The following THEM4 variants were observed in gnomAD, a reference collection of about 807,000 sequenced individuals.
THEM4 encodes thioesterase superfamily member 4.
Under a neutral mutation model 25.0 loss-of-function variants are expected in THEM4, and 22 were observed. The ratio of observed to expected loss-of-function variants is 0.88; its 90% CI spans 0.63 to 1.26. The LOEUF (loss-of-function observed/expected upper bound fraction) is 1.26, where lower values mean the gene tolerates loss of function less well. Ranked by LOEUF, THEM4 falls within the 50% of genes most tolerant of loss-of-function variation. The pLI, the probability that THEM4 is intolerant of heterozygous loss-of-function variation, is 0.00. For missense variants in THEM4, 286 were observed against 300.3 expected, an observed-to-expected ratio of 0.95 and a Z score of 0.35; for synonymous variants, 113 against 105.6, an observed-to-expected ratio of 1.07 and a Z score of -0.43.
Position 151,889,227 on chromosome 1 carries a change from C to G in THEM4, c.433G>C (p.Glu145Gln). ...TATCATTCTTACCCAGGTGGTCCTT[C>G]CAGGTAAGGGCCTCCTTGAAATAAG... ...VCLFQGGPYL[E>Q]GPPGFIHGGA... The change falls in exon 3 of 6, where the codon GAA becomes CAA. Residue 145 changes from glutamate to glutamine, a missense_variant. Transcript: ENST00000368814. 1 of 1,612,480 alleles carries G rather than the reference C, an allele frequency of 6.2e-7. No individual in the cohort carries two copies. The highest frequency in any genetic ancestry group is 8.5e-7 in the Non-Finnish European group (1 of 1,179,738).
At chr1:151,893,408 CAAAA>C (rs200898087) in intron 2 of THEM4, among the ~76,000 whole-genome samples, 2 of 92,110 alleles carry the variant, frequency 2.2e-5, no homozygotes, top group African/African-American at 8.5e-5. Context: ...AACAACAAAA[CAAAA>C]AAACCCAAAA....
chr1:151,903,885 G>C (rs1355632511), intron 1 of THEM4, among the ~76,000 whole-genome samples: 1 of 152,144 alleles, frequency 6.6e-6, no homozygotes, highest in Non-Finnish European at 1.5e-5. Context: ...TTAAAGTCTG[G>C]GATTCCGTTA....
chr1:151,874,958 A>T, intron 5 of THEM4, 30 bp from the exon 6 acceptor site: 1 of 1,571,092 alleles, frequency 6.4e-7, no homozygotes. Flanking sequence ...GCAGATGATT[A>T]TATGTCAACT....
chr1:151,891,265 T>A (rs1414017907), intron 2 of THEM4: 1 of 152,218 alleles, frequency 6.6e-6, no homozygotes, highest in South Asian at 2.1e-4. Flanking sequence ...AGCATTGGAA[T>A]AACATGATGA....
Position 151,889,291 on chromosome 1 carries a change from G to A in THEM4, c.369C>T (p.Tyr123=), listed in dbSNP as rs570027087. The A allele has an allele frequency of 1.6e-5, 26 of 1,613,990 alleles. No individual in the cohort carries two copies. The highest frequency in any genetic ancestry group is 5.0e-5 in the Admixed American group (3 of 60,002). Residue 123 remains tyrosine (Y), a synonymous_variant, in exon 3 of 6, where the codon TAC becomes TAT. Transcript: ENST00000368814. ...TCTCAATGTCATTGTAGAACATCAC[G>A]TATTCAAAGCCCAGGCCATCATCAA... ...RSFDDGLGFE[Y]VMFYNDIEKR...
intron 4 of THEM4, among the ~76,000 whole-genome samples, chr1:151,880,263 G>A (rs1206721639): frequency 2.0e-5 from 3 of 151,862 alleles, no homozygotes; most frequent in African/African-American, 7.3e-5. Flanking sequence ...GGATCACGAG[G>A]TCAGGAATTC....
intron 4 of THEM4, 147 bp downstream of exon 4, chr1:151,888,126 C>T (rs1355562930): frequency 1.9e-5 from 11 of 570,382 alleles, no homozygotes; most frequent in Non-Finnish European, 2.2e-5. Flanking sequence ...TCATCTTCCC[C>T]GTCCTGCTTC....
intron 1 of THEM4, among the ~76,000 whole-genome samples, chr1:151,900,093 GACAA>G (rs1205292315): frequency 1.3e-5 from 2 of 152,120 alleles, no homozygotes; most frequent in East Asian, 1.9e-4. Flanking sequence ...GTCCTTTTCA[GACAA>G]ACAAATACTG....
In THEM4 at chr1:151,873,086, T is replaced by C. The variant is rs1024378407; in HGVS notation, c.*1802A>G. Among the ~76,000 whole-genome samples, 4 of 152,178 alleles carry C rather than the reference T, an allele frequency of 2.6e-5. No individual in the cohort carries two copies. Among genetic ancestry groups the C allele is most frequent in the African/African-American group, 7.2e-5 (3 of 41,452 alleles). On this transcript the variant is annotated 3_prime_UTR_variant, in exon 6 of 6. Transcript: ENST00000368814. ...AGATAGGAGAAAACCACCCTGTGGC[T>C]GGAGCCAAGATACGCTGGCGGCAAT...
intron 1 of THEM4, among the ~76,000 whole-genome samples, chr1:151,898,961 T>C (rs1312689625): frequency 6.6e-6 from 1 of 152,238 alleles, no homozygotes; most frequent in Admixed American, 6.5e-5. Flanking sequence ...ACCTTCCCTT[T>C]GACAGAGTCT....
At position 151,909,460 on chromosome 1, in the gene THEM4, G is replaced by C. The variant is rs1025509959; in HGVS notation, c.-2C>G. The C allele has an allele frequency of 7.2e-7, 1 of 1,386,410 alleles. No homozygotes were observed. The highest frequency in any genetic ancestry group is 9.3e-7 in the Non-Finnish European group (1 of 1,079,404). 85.9% of individuals were successfully genotyped at this position (1,386,410 alleles called of 1,614,324 possible). ...GCGCGCGGCGCAGCTCCTCAGCATG[G>C]CTCCGGGCCGCGGGGCCGCGCTTGC... On this transcript the variant is annotated 5_prime_UTR_variant, in exon 1 of 6. Transcript: ENST00000368814.
intron 2 of THEM4, among the ~76,000 whole-genome samples, chr1:151,894,625 T>C (rs1389262217): frequency 1.3e-5 from 2 of 152,126 alleles, no homozygotes; most frequent in Non-Finnish European, 2.9e-5. Flanking sequence ...TACTGGGAGA[T>C]GTGGGTATAA....
At chr1:151,896,811 C>G (rs1375690454) in intron 1 of THEM4, among the ~76,000 whole-genome samples, 2 of 152,128 alleles carry the variant, frequency 1.3e-5, no homozygotes, top group Non-Finnish European at 2.9e-5. Context: ...TGAAGCAGAA[C>G]TTGGTGACAA....
intron 5 of THEM4, among the ~76,000 whole-genome samples, chr1:151,875,316 C>T (rs1019839681): frequency 6.6e-6 from 1 of 152,150 alleles, no homozygotes; most frequent in African/African-American, 2.4e-5. Context: ...TATCTTCCAC[C>T]TGCTCCTTAA....
chr1:151,879,864 G>T (rs1653773700), intron 4 of THEM4, among the ~76,000 whole-genome samples: 1 of 151,810 alleles, frequency 6.6e-6, no homozygotes, highest in Admixed American at 6.6e-5. Context: ...CACCATGTTA[G>T]CCAGGATGGT....
Position 151,909,362 on chromosome 1 carries a change from G to C in THEM4, c.97C>G (p.Leu33Val), listed in dbSNP as rs927207712. The change falls in exon 1 of 6, where the codon CTG (leucine) becomes GTG (valine). Residue 33 changes from leucine to valine, a missense_variant and splice_region_variant. Transcript: ENST00000368814. The stretch of plus-strand genomic sequence containing the variant: ...TGCCCGAGGGTGCCCAGACTCACCA[G>C]CTCGGGTCGCGGCTCGCTTCCCGGC... ...RLPGSEPRPE[L>V]RSFSSEEVIL... 6.2e-5 allele frequency: 94 copies of C among 1,511,624 alleles called. 1 individual carries two copies. The highest frequency in any genetic ancestry group is 7.7e-5 in the Non-Finnish European group (88 of 1,135,666). The allele number at this position is 1,511,624 out of a possible 1,614,324, so 93.6% of individuals were successfully genotyped here.
chr1:151,894,915 T>C (rs1263646076), intron 2 of THEM4, 93 bp downstream of exon 2: 5 of 1,331,400 alleles, frequency 3.8e-6, no homozygotes, highest in Non-Finnish European at 5.4e-6. Context: ...CATTATATTC[T>C]TTCTTTTTTT....
chr1:151,882,241 T>G lies in THEM4; in HGVS notation c.558-5116A>C, dbSNP rs923315468. 1.7e-3 allele frequency among the ~76,000 whole-genome samples: 260 copies of G among 152,178 alleles called. 4 individuals are homozygous for G. Among genetic ancestry groups the G allele is most frequent in the Non-Finnish European group, 7.5e-4 (51 of 68,004 alleles). ...AAATACAGAAATTAGCCGGGCATGG[T>G]GGCATGTGCCTGTAATGTCAGCGAC... On this transcript the variant is annotated intron_variant, in intron 4 of 5. Transcript: ENST00000368814.
At chr1:151,901,446 A>G (rs1199828254) in intron 1 of THEM4, among the ~76,000 whole-genome samples, 4 of 152,250 alleles carry the variant, frequency 2.6e-5, no homozygotes, top group Non-Finnish European at 4.4e-5. Context: ...GATAGGCCAT[A>G]AACAAGCCTC....
Sources: gnomAD v4.1 joint callset for allele counts (sites outside exome capture counted in the v4.1 genomes callset) on GRCh38, gnomAD v4.1.1 for gene constraint, MANE v1.5 for transcripts, NCBI Gene and HGNC (gene_info 2026-07-23, HGNC 2026-07-21) for gene names.